Variants in EDNRB observed in about 807,000 individuals in gnomAD.
EDNRB encodes Hirschsprung disease 2.
Under a neutral mutation model 46.4 loss-of-function variants are expected in EDNRB, and 18 were observed. The ratio of observed to expected loss-of-function variants is 0.39; its 90% CI spans 0.27 to 0.57. The LOEUF (loss-of-function observed/expected upper bound fraction) is 0.57, where lower values mean the gene tolerates loss of function less well. Ranked by LOEUF, EDNRB falls within the 20% of genes least tolerant of loss-of-function variation. The pLI, the probability that EDNRB is intolerant of heterozygous loss-of-function variation, is 0.61. For missense variants in EDNRB, 434 were observed against 537.5 expected (o/e 0.81, Z 1.90); for synonymous variants, 213 against 204.9 (o/e 1.04, Z -0.34).
chr13:77,950,765 T>A (rs1341447260), intron 1 of EDNRB, among the ~76,000 whole-genome samples: 5 of 152,200 alleles, frequency 3.3e-5, no homozygotes, highest in Admixed American at 6.5e-5. Flanking sequence ...TTTTTACAAA[T>A]AATAACAAGG....
At chr13:77,949,682 A>G (rs1881033491) in intron 1 of EDNRB, among the ~76,000 whole-genome samples, 1 of 152,160 alleles carries the variant, frequency 6.6e-6, no homozygotes, top group Non-Finnish European at 1.5e-5. Context: ...TGAAGGCCAA[A>G]TATGAACCTA....
chr13:77,956,243 G>T (rs1881236513), intron 1 of EDNRB, among the ~76,000 whole-genome samples: 1 of 151,784 alleles, frequency 6.6e-6, no homozygotes, highest in African/African-American at 2.4e-5. Context: ...TCACCCTCTT[G>T]GTTAGATTTA....
intron 1 of EDNRB, among the ~76,000 whole-genome samples, chr13:77,924,775 G>A (rs953413144): frequency 6.6e-6 from 1 of 152,056 alleles, no homozygotes; most frequent in Non-Finnish European, 1.5e-5. Context: ...GAATTATGGG[G>A]GCAGGTCTTT....
intron 1 of EDNRB, among the ~76,000 whole-genome samples, chr13:77,959,655 C>G (rs1594398107): frequency 6.6e-6 from 1 of 152,378 alleles, no homozygotes; most frequent in East Asian, 1.9e-4. Context: ...TAAAGGAACT[C>G]AGCTCTTCGC....
At position 77,909,758 on chromosome 13, in the gene EDNRB, G is replaced by A. The variant is rs532430237; in HGVS notation, c.484-6151C>T. On this transcript the variant is annotated intron_variant, in intron 1 of 6. Transcript: ENST00000646607. Reference sequence around the variant, plus strand: ...GTGGATGAATGAATTTGATCACACGGCAGAAATCATCTATGACAAAACATT... The same window carrying A: ...GTGGATGAATGAATTTGATCACACGACAGAAATCATCTATGACAAAACATT... 1.6e-4 allele frequency among the ~76,000 whole-genome samples: 24 copies of A among 152,100 alleles called. 1 individual carries two copies. The South Asian group carries it at 4.8e-3, about 30-fold the overall frequency.
intron 1 of EDNRB, among the ~76,000 whole-genome samples, chr13:77,959,098 T>G (rs1881324052): frequency 6.6e-6 from 1 of 152,226 alleles, no homozygotes; most frequent in South Asian, 2.1e-4. Flanking sequence ...ATATTACATT[T>G]TCTCCTATAC....
At chr13:77,960,779 G>T (rs1881384982) in intron 1 of EDNRB, among the ~76,000 whole-genome samples, 1 of 150,664 alleles carries the variant, frequency 6.6e-6, no homozygotes, top group East Asian at 2.0e-4. Flanking sequence ...TCAGTGTGCT[G>T]TATTCAGGAG....
At chr13:77,939,516 T>G (rs1490341933) in intron 1 of EDNRB, 1 of 152,216 alleles carries the variant, frequency 6.6e-6, no homozygotes, top group African/African-American at 2.4e-5. Flanking sequence ...TTGGGAAGAT[T>G]AAATGAAGTC....
At chr13:77,948,057 T>C (rs1395996504) in intron 1 of EDNRB, among the ~76,000 whole-genome samples, 3 of 152,174 alleles carry the variant, frequency 2.0e-5, no homozygotes, top group African/African-American at 7.2e-5. Flanking sequence ...AAGCCTTAAT[T>C]AGATTACTTA....
intron 1 of EDNRB, among the ~76,000 whole-genome samples, chr13:77,942,178 C>G (rs1219187602): frequency 6.6e-6 from 1 of 151,814 alleles, no homozygotes; most frequent in African/African-American, 2.4e-5. Context: ...AAAGCCTTGT[C>G]TGGGAAAAAA....
At chr13:77,955,897 T>TATC (rs1881225530) in intron 1 of EDNRB, among the ~76,000 whole-genome samples, 1 of 135,894 alleles carries the variant, frequency 7.4e-6, no homozygotes, top group Non-Finnish European at 1.6e-5. Context: ...ATCTATCTAT[T>TATC]TTTATGCCAG....
intron 1 of EDNRB, among the ~76,000 whole-genome samples, chr13:77,958,580 T>C (rs1031634772): frequency 1.3e-5 from 2 of 152,128 alleles, no homozygotes; most frequent in East Asian, 3.8e-4. Context: ...TTCACCATGT[T>C]AGCCAGGATG....
chr13:77,921,968 A>G (rs1394161395), upstream of EDNRB, among the ~76,000 whole-genome samples: 1 of 151,864 alleles, frequency 6.6e-6, no homozygotes, highest in Non-Finnish European at 1.5e-5. Flanking sequence ...TTTTCATCTT[A>G]TTACTTAAAA....
At chr13:77,915,004 G>A (rs1052466307) in intron 1 of EDNRB, among the ~76,000 whole-genome samples, 3 of 152,090 alleles carry the variant, frequency 2.0e-5, no homozygotes, top group Admixed American at 6.6e-5. Flanking sequence ...AATTCTCAAA[G>A]AGAATTATAA....
At position 77,918,390 on chromosome 13, in the gene EDNRB, G is replaced by A. The variant is rs1879925891; in HGVS notation, c.184C>T (p.Leu62=). The change falls in exon 1 of 7, where the codon CTG becomes TTG. Residue 62 remains leucine (L), a synonymous_variant. Coordinates refer to ENST00000646607, the MANE Select transcript of EDNRB (RefSeq NM_001122659.3). This position sits in a 1 kb window ranked among gnomAD's most constrained non-coding sequence, Gnocchi z 4.5. ...TLWPKGSNAS[L]ARSLAPAEVP... ...TCCGCAGGTGCCAACGACCGCGCCAGACTGGCGTTGGAACCCTTGGGCCAT... is the reference window on the plus strand; with the variant it reads ...TCCGCAGGTGCCAACGACCGCGCCAAACTGGCGTTGGAACCCTTGGGCCAT... 2 of 1,603,680 alleles carry A rather than the reference G, an allele frequency of 1.2e-6. No homozygotes were observed. Among genetic ancestry groups the A allele is most frequent in the Non-Finnish European group, 8.5e-7 (1 of 1,173,540 alleles).
intron 3 of EDNRB, 33 bp from the exon 4 acceptor site, chr13:77,901,240 C>A: frequency 6.2e-7 from 1 of 1,604,210 alleles, no homozygotes; most frequent in East Asian, 2.3e-5. Context: ...ACGATTAATA[C>A]TCCTCTGTAA....
chr13:77,925,323 G>A lies in EDNRB; in HGVS notation c.-51-6699C>T, dbSNP rs111258577. On this transcript the variant is annotated intron_variant, in intron 1 of 7. Coordinates refer to the EDNRB transcript ENST00000646948. ...AATACCTCTTTTAATTCTTTTCTCCGTAGATCCAGAAGTGGGATTGCTGAA... is the reference window on the plus strand; with the variant it reads ...AATACCTCTTTTAATTCTTTTCTCCATAGATCCAGAAGTGGGATTGCTGAA... Among the ~76,000 whole-genome samples, 1,228 of 152,128 alleles carry A rather than the reference G, an allele frequency of 8.1e-3. 17 individuals carry two copies. Among genetic ancestry groups the A allele is most frequent in the African/African-American group, 0.027 (1,136 of 41,472 alleles).
upstream of EDNRB, among the ~76,000 whole-genome samples, chr13:77,921,961 T>C (rs1176126999): frequency 1.3e-5 from 2 of 152,304 alleles, no homozygotes; most frequent in African/African-American, 4.8e-5. Flanking sequence ...AGTTTTTTTT[T>C]CATCTTATTA....
upstream of EDNRB, chr13:77,919,742 C>T (rs1315829001): frequency 2.4e-5 from 21 of 874,246 alleles, no homozygotes; most frequent in Non-Finnish European, 1.7e-6. Context: ...CAGTCCTCGT[C>T]CGGGGACAGG....
Sources: gnomAD v4.1 joint callset for allele counts (sites outside exome capture counted in the v4.1 genomes callset) on GRCh38, gnomAD v4.1.1 for gene constraint, Gnocchi (gnomAD v3.1) non-coding constraint, MANE v1.5 for transcripts, NCBI Gene and HGNC (gene_info 2026-07-23, HGNC 2026-07-21) for gene names.